PIK3C2B: variants seen among roughly 807,000 people sequenced by gnomAD.
The protein encoded by PIK3C2B is phosphatidylinositol-4-phosphate 3-kinase catalytic subunit type 2 beta, also known as phosphatidylinositol 4-phosphate 3-kinase C2 domain-containing subunit beta.
In PIK3C2B, 83 loss-of-function variants were observed where a neutral mutation model predicts 184.3. The observed-to-expected ratio is 0.45, with a 90% CI of 0.38 to 0.54. The LOEUF is 0.54. Ranked by LOEUF, PIK3C2B falls within the 20% of genes least tolerant of loss-of-function variation. The pLI, the probability that PIK3C2B is intolerant of heterozygous loss-of-function variation, is 0.00. For missense variants in PIK3C2B, 1,736 were observed against 2,113.5 expected (o/e 0.82, Z 3.50); for synonymous variants, 779 against 837.6 (o/e 0.93, Z 1.21).
intron 15 of PIK3C2B, 78 bp from the exon 16 acceptor site, chr1:204,446,222 A>G: frequency 9.9e-7 from 1 of 1,010,760 alleles, no homozygotes; most frequent in Non-Finnish European, 1.4e-6. Context: ...CAGGGGGTGC[A>G]GCCCTTACCC....
At position 204,464,607 on chromosome 1, in the gene PIK3C2B, G is replaced by A; in HGVS notation, c.1035-3C>T. 3.1e-6 allele frequency: 5 copies of A among 1,611,942 alleles called. No homozygotes were observed. In the East Asian group the frequency reaches 8.9e-5, roughly 29 times the overall value. ...GGATGTCAGAGCCAGATCGAAGGCT[G>A]TACAGGAAGAAAAAAAACCCTCACT... On this transcript the variant is annotated splice_region_variant and splice_polypyrimidine_tract_variant and intron_variant, in intron 3 of 32. Transcript: ENST00000684373.
At chr1:204,485,275 C>T (rs940880276) in intron 1 of PIK3C2B, among the ~76,000 whole-genome samples, 12 of 152,216 alleles carry the variant, frequency 7.9e-5, no homozygotes, top group African/African-American at 2.9e-4. Context: ...GTTCTAATCT[C>T]TCTTAAATTG....
intron 12 of PIK3C2B, among the ~76,000 whole-genome samples, chr1:204,453,487 T>C (rs547339143): frequency 1.0e-3 from 157 of 152,338 alleles, no homozygotes; most frequent in African/African-American, 3.6e-3. Flanking sequence ...GTGAAACCAA[T>C]GTCCCCATTT....
In PIK3C2B at chr1:204,447,439, T is replaced by C; in HGVS notation, c.2486A>G (p.Tyr829Cys). Reference sequence around the variant, plus strand: ...TCAGTGGGGGCCCGGGTCTCACCAGTACAAGGACTCTTTCTGCATGATGTC... The same window carrying C: ...TCAGTGGGGGCCCGGGTCTCACCAGCACAAGGACTCTTTCTGCATGATGTC... ...LKDIMQKESL[Y>C]WLTDADKKRL... The change falls in exon 15 of 33, where the codon TAC becomes TGC. Residue 829 changes from tyrosine to cysteine, a missense_variant. Coordinates refer to ENST00000684373, the MANE Select transcript of PIK3C2B (RefSeq NM_001377334.1). This position sits in a 1 kb window ranked among gnomAD's most constrained non-coding sequence, Gnocchi z 4.1. 2 of 1,613,692 alleles carry C rather than the reference T, an allele frequency of 1.2e-6. No individual in the cohort carries two copies.
At chr1:204,460,429 G>A (rs754577320) in intron 6 of PIK3C2B, 26 bp from the exon 7 acceptor site, 1 of 1,594,248 alleles carries the variant, frequency 6.3e-7, no homozygotes, top group Non-Finnish European at 8.6e-7. Context: ...CCTATTCAGA[G>A]AGGGGCGGTG....
At chr1:204,452,624 G>A (rs2942130) in intron 12 of PIK3C2B, among the ~76,000 whole-genome samples, 101,552 of 145,642 alleles carry the variant, frequency 0.7, 37,386 homozygotes, top group Non-Finnish European at 0.82. Flanking sequence ...TTGTTTGCTT[G>A]AGGACCTTTA....
At chr1:204,492,708 C>T (rs1658085772) in intron 1 of PIK3C2B, among the ~76,000 whole-genome samples, 1 of 152,168 alleles carries the variant, frequency 6.6e-6, no homozygotes, top group Non-Finnish European at 1.5e-5. Flanking sequence ...ATAAACTGAC[C>T]CTTCCTCACC....
At position 204,424,280 on chromosome 1, in the gene PIK3C2B, C is replaced by T. The variant is rs1346803264; in HGVS notation, c.*572G>A. 1 of 195,600 alleles carries T rather than the reference C, an allele frequency of 5.1e-6. No individual in the cohort carries two copies. The highest frequency in any genetic ancestry group is 1.4e-4 in the East Asian group (1 of 7,064). The allele number at this position is 195,600 out of a possible 1,614,324, so 12.1% of individuals were successfully genotyped here. On this transcript the variant is annotated 3_prime_UTR_variant, in exon 33 of 33. Coordinates refer to ENST00000684373, the MANE Select transcript of PIK3C2B (RefSeq NM_001377334.1). ...AGAGAGGGCTCTGGCCGAGGACCCA[C>T]TGGGCCCCTCCCCAGATAGTTCCTA... is the stretch of plus-strand genomic sequence containing the variant.
In PIK3C2B at chr1:204,455,965, C is replaced by T; in HGVS notation, c.1834G>A (p.Val612Met). ...AGGTCATGCTTGCGGCTCCCGGGCA[C>T]TGCCGTCTGGAAGTCTGCGTTGAAT... ...NTFNADFQTAVPGSRKHDLVQ... is the reference protein window; with the variant it reads ...NTFNADFQTAMPGSRKHDLVQ... The change falls in exon 11 of 33, where the codon GTG becomes ATG. Residue 612 changes from valine to methionine, a missense_variant. By Grantham distance (21) the Val-to-Met change is conservative. Around this residue, in one of 8 missense-constraint regions of PIK3C2B, gnomAD observed 609 missense variants for 699.2 expected, o/e 0.87. Coordinates refer to ENST00000684373, the MANE Select transcript of PIK3C2B (RefSeq NM_001377334.1). 1 of 1,614,226 alleles carries T rather than the reference C, an allele frequency of 6.2e-7. No homozygotes were observed. Among genetic ancestry groups the T allele is most frequent in the Non-Finnish European group, 8.5e-7 (1 of 1,180,020 alleles).
intron 5 of PIK3C2B, 150 bp from the exon 6 acceptor site, chr1:204,460,811 T>C (rs1475606364): frequency 1.6e-6 from 1 of 633,882 alleles, no homozygotes; most frequent in Non-Finnish European, 2.9e-6. Flanking sequence ...TCCTAGAAAA[T>C]GACACGGTAG....
intron 1 of PIK3C2B, among the ~76,000 whole-genome samples, chr1:204,485,819 C>T (rs1482198306): frequency 1.3e-5 from 2 of 152,072 alleles, no homozygotes; most frequent in Non-Finnish European, 2.9e-5. Flanking sequence ...GATCTGCCTG[C>T]CCCGGCCTCC....
At chr1:204,429,873 C>T in intron 29 of PIK3C2B, 48 bp downstream of exon 29, 1 of 1,264,396 alleles carries the variant, frequency 7.9e-7, no homozygotes, top group Non-Finnish European at 1.2e-6. Flanking sequence ...GCCTCCCCAA[C>T]CATCCCCACC....
Position 204,442,645 on chromosome 1 carries a change from G to C in PIK3C2B, c.3049-12C>G. 6 of 1,527,476 alleles carry C rather than the reference G, an allele frequency of 3.9e-6. No individual in the cohort carries two copies. In the South Asian group the frequency reaches 7.2e-5, roughly 18 times the overall value. The allele number at this position is 1,527,476 out of a possible 1,614,324, so 94.6% of individuals were successfully genotyped here. A position where few individuals can be genotyped will look rare whatever the true frequency, so the allele number is the denominator to read the frequency against. On this transcript the variant is annotated splice_polypyrimidine_tract_variant and intron_variant, in intron 19 of 32. Transcript: ENST00000684373. ...GTGCGGAGGATTCCCTGGAAAGAAG[G>C]GGAGGAGTACAGCAGGGGTGAAATG...
At position 204,432,183 on chromosome 1, in the gene PIK3C2B, T is replaced by C. The variant is rs752836531; in HGVS notation, c.4155+17A>G. 1.3e-4 allele frequency: 207 copies of C among 1,608,878 alleles called. No individual in the cohort carries two copies. Among genetic ancestry groups the C allele is most frequent in the Admixed American group, 3.3e-4 (20 of 59,990 alleles). ...GCAGAGAGCAGGAAAGGGGGTCAGA[T>C]TGGAGAAAACACTTACATAGCCTTT... On this transcript the variant is annotated intron_variant, in intron 27 of 32. Coordinates refer to ENST00000684373, the MANE Select transcript of PIK3C2B (RefSeq NM_001377334.1).
At chr1:204,483,654 C>T (rs962911713) in intron 1 of PIK3C2B, among the ~76,000 whole-genome samples, 1 of 152,184 alleles carries the variant, frequency 6.6e-6, no homozygotes, top group African/African-American at 2.4e-5. Flanking sequence ...GGGTATAGAG[C>T]AAAGAATCAT....
intron 32 of PIK3C2B, among the ~76,000 whole-genome samples, chr1:204,425,294 C>G (rs577500840): frequency 6.6e-6 from 1 of 152,230 alleles, no homozygotes; most frequent in East Asian, 1.9e-4. Flanking sequence ...TCATTTTCAG[C>G]ACAGGACCAG....
rs900489049 is a variant in PIK3C2B, at chr1:204,433,214, G to C, written c.3953+102C>G. The C allele has an allele frequency of 7.5e-6, 5 of 670,662 alleles. No individual in the cohort carries two copies. Among genetic ancestry groups the C allele is most frequent in the Non-Finnish European group, 1.3e-5 (5 of 375,762 alleles). 41.5% of individuals were successfully genotyped at this position (670,662 alleles called of 1,614,324 possible). A position where few individuals can be genotyped will look rare whatever the true frequency, so the allele number is the denominator to read the frequency against. On this transcript the variant is annotated intron_variant, in intron 26 of 32. Coordinates refer to ENST00000684373, the MANE Select transcript of PIK3C2B (RefSeq NM_001377334.1). This position sits in a 1 kb window ranked among gnomAD's most constrained non-coding sequence, Gnocchi z 5.0. ...TGGTCAGCTCTAGGCTCTAGCATCT[G>C]AGCTAAGCTTTTCACCTTTCCCCAG... is the stretch of plus-strand genomic sequence containing the variant.
intron 20 of PIK3C2B, among the ~76,000 whole-genome samples, 169 bp from the exon 21 acceptor site, chr1:204,441,732 T>C (rs1294139686): frequency 6.6e-6 from 1 of 152,150 alleles, no homozygotes; most frequent in African/African-American, 2.4e-5. Context: ...CTTCCTTCTC[T>C]TGTTAAATAG....
Position 204,444,442 on chromosome 1 carries a change from G to A in PIK3C2B, c.2679-18C>T. On this transcript the variant is annotated intron_variant, in intron 16 of 32. Coordinates refer to ENST00000684373, the MANE Select transcript of PIK3C2B (RefSeq NM_001377334.1). ...CCGGGAAGCTGCAAAACAGAGCCCA[G>A]TGCCCTGACAACCTAGCTGCAAGTT... 1 of 1,596,536 alleles carries A rather than the reference G, an allele frequency of 6.3e-7. No homozygotes were observed. Among genetic ancestry groups the A allele is most frequent in the Non-Finnish European group, 8.6e-7 (1 of 1,167,752 alleles).
Sources: allele counts gnomAD v4.1 joint callset (sites outside exome capture counted in the v4.1 genomes callset), GRCh38; gene constraint gnomAD v4.1.1; regional missense constraint gnomAD v4.1.1; non-coding constraint Gnocchi (gnomAD v3.1); transcripts MANE v1.5; gene names NCBI Gene and HGNC (gene_info 2026-07-23, HGNC 2026-07-21).